Variants in CASD1 observed in about 807,000 individuals in gnomAD.
CASD1 encodes N-acetylneuraminate (7)9-O-acetyltransferase.
In CASD1, 41 loss-of-function variants were observed where a neutral mutation model predicts 100.0. The observed-to-expected ratio is 0.41, with a 90% CI of 0.32 to 0.53. The LOEUF (loss-of-function observed/expected upper bound fraction) is 0.53. CASD1 is among the 20% of genes least tolerant of loss of function. The pLI is 0.25. For synonymous variants in CASD1, 321 were observed against 315.6 expected, an observed-to-expected ratio of 1.02 and a Z score of -0.18; for missense variants, 774 against 948.7, an observed-to-expected ratio of 0.82 and a Z score of 2.42.
intron 3 of CASD1, among the ~76,000 whole-genome samples, chr7:94,522,703 G>T (rs1201062172): frequency 6.6e-6 from 1 of 151,674 alleles, no homozygotes; most frequent in Non-Finnish European, 1.5e-5. Context: ...TGTTGCCCAG[G>T]CTGGAGTGCA....
At chr7:94,626,261 A>C in the CASD1 span, 1 of 152,056 alleles carries the variant, frequency 6.6e-6, no homozygotes, top group Non-Finnish European at 1.5e-5. Context: ...ATGGTTGATA[A>C]ACAGACATTC....
chr7:94,518,710 A>G (rs1398946833), intron 3 of CASD1, among the ~76,000 whole-genome samples: 1 of 152,026 alleles, frequency 6.6e-6, no homozygotes, highest in Non-Finnish European at 1.5e-5. Context: ...ATCTTTTAAT[A>G]TGTGCAATTT....
chr7:94,579,747 T>A, the CASD1 span, among the ~76,000 whole-genome samples: 1 of 152,138 alleles, frequency 6.6e-6, no homozygotes, highest in African/African-American at 2.4e-5. Flanking sequence ...TGAAAACCCA[T>A]ATCCAGATGA....
chr7:94,588,840 A>G, the CASD1 span: 4 of 1,234,656 alleles, frequency 3.2e-6, no homozygotes, highest in Non-Finnish European at 4.7e-6. Context: ...GACCCCAGTC[A>G]TGTAATCCAG....
At chr7:94,621,182 G>C in the CASD1 span, 1 of 152,154 alleles carries the variant, frequency 6.6e-6, no homozygotes, top group Admixed American at 6.5e-5. Flanking sequence ...TAAATAACAT[G>C]AGTGTAGGCC....
At chr7:94,527,010 C>G (rs1216923340) in intron 3 of CASD1, 152 bp from the exon 4 acceptor site, 3 of 600,866 alleles carry the variant, frequency 5.0e-6, no homozygotes, top group Admixed American at 3.1e-5. Flanking sequence ...GGTTTTTTCC[C>G]TTTCGGGTTG....
the CASD1 span, among the ~76,000 whole-genome samples, chr7:94,584,279 G>C: frequency 6.6e-6 from 1 of 152,198 alleles, no homozygotes; most frequent in Non-Finnish European, 1.5e-5. Context: ...CTCTGTGTCT[G>C]TGCCAAAATC....
chr7:94,535,101 A>T (rs1016108862), intron 7 of CASD1, among the ~76,000 whole-genome samples: 1 of 152,180 alleles, frequency 6.6e-6, no homozygotes, highest in South Asian at 2.1e-4. Flanking sequence ...TTTGAAAGGG[A>T]TATTGCTTGA....
the CASD1 span, chr7:94,618,619 A>G: frequency 1.3e-5 from 9 of 677,162 alleles, no homozygotes; most frequent in East Asian, 1.6e-4. Context: ...GAAAATTACT[A>G]GTATGTTCAT....
chr7:94,629,753 A>G, the CASD1 span: 2 of 1,611,282 alleles, frequency 1.2e-6, no homozygotes, highest in Admixed American at 3.3e-5. Flanking sequence ...CCCCCTTAAA[A>G]TATTCTCTTT....
At chr7:94,515,019 T>C (rs1793903883) in intron 1 of CASD1, among the ~76,000 whole-genome samples, 1 of 152,132 alleles carries the variant, frequency 6.6e-6, no homozygotes, top group Admixed American at 6.5e-5. Flanking sequence ...GAGTTTTTTC[T>C]GGATCAGGTT....
At chr7:94,524,461 T>C (rs1007916404) in intron 3 of CASD1, among the ~76,000 whole-genome samples, 4 of 152,052 alleles carry the variant, frequency 2.6e-5, no homozygotes, top group Non-Finnish European at 5.9e-5. Context: ...ATGGCAGAAA[T>C]TAAATCTGAC....
chr7:94,627,237 G>A, the CASD1 span: 2 of 152,010 alleles, frequency 1.3e-5, no homozygotes, highest in Non-Finnish European at 2.9e-5. Flanking sequence ...TTCATAGTAT[G>A]TAATCCTCTG....
At chr7:94,573,910 C>G in the CASD1 span, among the ~76,000 whole-genome samples, 2 of 152,070 alleles carry the variant, frequency 1.3e-5, no homozygotes, top group African/African-American at 4.8e-5. Context: ...TCCTTCAATA[C>G]CTAGTTTATT....
At chr7:94,554,636 CGTGT>C in intron 17 of CASD1, 61 bp downstream of exon 17, 2 of 1,037,646 alleles carry the variant, frequency 1.9e-6, no homozygotes, top group South Asian at 1.4e-5. Context: ...TGTGTATGTA[CGTGT>C]GTGTGTGTAA....
chr7:94,544,494 G>A lies in CASD1; in HGVS notation c.1440G>A (p.Trp480Ter). The change falls in exon 11 of 18, where the codon TGG becomes TGA. Residue 480 changes from tryptophan (W) to a stop codon, truncating the protein, a stop_gained. Coordinates refer to ENST00000297273, the MANE Select transcript of CASD1 (RefSeq NM_022900.5). LOFTEE classifies it high-confidence loss of function. ...GGTATGGGCATTTCTCATACTTTTG[G>A]ATAAAAGGAGATTTTGGAATCTATA... ...QTGYGHFSYF[W>*]IKGDFGIYRV... 6.2e-7 allele frequency: 1 copy of A among 1,612,958 alleles called. No homozygotes were observed. Among genetic ancestry groups the A allele is most frequent in the Non-Finnish European group, 8.5e-7 (1 of 1,179,358 alleles).
At chr7:94,561,699 C>T (rs971125043), downstream of CASD1, among the ~76,000 whole-genome samples, 3 of 152,036 alleles carry the variant, frequency 2.0e-5, no homozygotes, top group African/African-American at 7.2e-5. Context: ...GATGTCACTC[C>T]TACACCAGCT....
chr7:94,582,011 A>G, the CASD1 span, among the ~76,000 whole-genome samples: 2 of 151,874 alleles, frequency 1.3e-5, no homozygotes, highest in Non-Finnish European at 2.9e-5. Context: ...AAGCATTCCT[A>G]TTTCTCCACA....
At chr7:94,530,142 A>G (rs949492136) in intron 5 of CASD1, among the ~76,000 whole-genome samples, 5 of 152,196 alleles carry the variant, frequency 3.3e-5, no homozygotes, top group African/African-American at 1.2e-4. Context: ...AGCAAACAGG[A>G]TTACAGAGGA....
Sources: allele counts gnomAD v4.1 joint callset (sites outside exome capture counted in the v4.1 genomes callset), GRCh38; gene constraint gnomAD v4.1.1; transcripts MANE v1.5; gene names NCBI Gene and HGNC (gene_info 2026-07-23, HGNC 2026-07-21).